The following UCN3 variants were observed in gnomAD, a reference collection of about 807,000 sequenced individuals.
UCN3 encodes the protein urocortin 3.
A neutral mutation model predicts 3.6 loss-of-function variants in UCN3; 3 were observed. The ratio of observed to expected loss-of-function variants is 0.83; its 90% CI spans 0.38 to 2.15. The LOEUF is 2.15. Ranked by LOEUF, UCN3 falls within the 30% of genes most tolerant of loss-of-function variation. UCN3 has a pLI of 0.06. For synonymous variants in UCN3, 100 were observed against 93.2 expected, an observed-to-expected ratio of 1.07 and a Z score of -0.42; for missense variants, 206 against 208.3, an observed-to-expected ratio of 0.99 and a Z score of 0.07.
intron 1 of UCN3, among the ~76,000 whole-genome samples, chr10:5,369,591 C>T (rs1313301076): frequency 2.6e-5 from 4 of 152,200 alleles, no homozygotes; most frequent in Admixed American, 1.3e-4. Flanking sequence ...GTTCTCACTT[C>T]GCCAGGCAAC....
At chr10:5,370,423 ATGCGTGTGTATATGCGTGTGTATG>A (rs1831363144) in intron 1 of UCN3, among the ~76,000 whole-genome samples, 6 of 37,180 alleles carry the variant, frequency 1.6e-4, no homozygotes, top group South Asian at 1.4e-3. Flanking sequence ...GTGTGTGTAT[ATGCGTGTGTATATGCGTGTGTATG>A]TGTGTGTGTA....
chr10:5,373,240 A>T (rs569516203), intron 1 of UCN3, among the ~76,000 whole-genome samples: 42 of 152,326 alleles, frequency 2.8e-4, no homozygotes, highest in African/African-American at 9.9e-4. Context: ...ACGCCCAGCC[A>T]TGGTCTTTAA....
At chr10:5,371,681 AGCCCTGCCTG>A (rs1831430369) in intron 1 of UCN3, among the ~76,000 whole-genome samples, 1 of 152,180 alleles carries the variant, frequency 6.6e-6, no homozygotes, top group African/African-American at 2.4e-5. Context: ...ACCGACTGCC[AGCCCTGCCTG>A]GCCCTGCTCT....
Position 5,374,489 on chromosome 10 carries a change from C to T in UCN3, c.*283C>T. ...CCCTGTACTCAGCGTCTCCTTCCTC[C>T]CTCCCCACAGCAAGAGGCAAAGTTC... is the stretch of plus-strand genomic sequence containing the variant. On this transcript the variant is annotated 3_prime_UTR_variant, in exon 2 of 2. Transcript: ENST00000380433. The T allele has an allele frequency of 2.9e-6, 1 of 348,854 alleles. No individual in the cohort carries two copies. Among genetic ancestry groups the T allele is most frequent in the Non-Finnish European group, 5.3e-6 (1 of 187,148 alleles). The allele number at this position is 348,854 out of a possible 1,614,324, so 21.6% of individuals were successfully genotyped here.
At chr10:5,370,643 A>ATATGTGTGTG (rs1238566095) in intron 1 of UCN3, among the ~76,000 whole-genome samples, 19 of 40,366 alleles carry the variant, frequency 4.7e-4, no homozygotes, top group African/African-American at 1.2e-3. Context: ...ATGTGTGTGT[A>ATATGTGTGTG]TATGTGTGTG....
In UCN3 at chr10:5,373,904, C is replaced by T; in HGVS notation, c.184C>T (p.Leu62=). 2 of 1,613,922 alleles carry T rather than the reference C, an allele frequency of 1.2e-6. No individual in the cohort carries two copies. Among genetic ancestry groups the T allele is most frequent in the Non-Finnish European group, 1.7e-6 (2 of 1,179,884 alleles). Residue 62 remains leucine (L), a synonymous_variant, in exon 2 of 2, where the codon CTG becomes TTG. Coordinates refer to ENST00000380433, the MANE Select transcript of UCN3 (RefSeq NM_053049.4). ...SLLSKRSFHY[L]RSRDASSGEE... is the part of the protein sequence containing the mutation. ...GCTGAGCAAGAGGAGCTTCCACTACCTGCGCAGCAGAGACGCCTCTTCGGG... is the reference window on the plus strand; with the variant it reads ...GCTGAGCAAGAGGAGCTTCCACTACTTGCGCAGCAGAGACGCCTCTTCGGG...
intron 1 of UCN3, among the ~76,000 whole-genome samples, chr10:5,370,665 A>ATG (rs369776084): frequency 1.9e-4 from 13 of 68,464 alleles, no homozygotes; most frequent in African/African-American, 7.3e-4. Context: ...ATGTGTGTGT[A>ATG]TGTGTGTGTA....
Position 5,370,005 on chromosome 10 carries a change from GTATGTGTGTGTA to G in UCN3, c.-6-3693_-6-3682del, listed in dbSNP as rs1359959986. On this transcript the variant is annotated intron_variant, in intron 1 of 1. Coordinates refer to ENST00000380433, the MANE Select transcript of UCN3 (RefSeq NM_053049.4). ...TGTGTATATGTGTGTATGTGTGTGT[GTATGTGTGTGTA>G]TATGTGTGTGTATATGCGTGTGTAT... 3.6e-3 allele frequency among the ~76,000 whole-genome samples: 114 copies of G among 31,638 alleles called. 17 individuals carry two copies. Among genetic ancestry groups the G allele is most frequent in the Middle Eastern group, 0.028 (2 of 72 alleles). 20.8% of individuals were successfully genotyped at this position (31,638 alleles called of 152,430 possible). A position where few individuals can be genotyped will look rare whatever the true frequency, so the allele number is the denominator to read the frequency against.
chr10:5,370,847 G>A lies in UCN3; in HGVS notation c.-6-2868G>A, dbSNP rs1296014572. Among the ~76,000 whole-genome samples, 445 of 80,604 alleles carry A rather than the reference G, an allele frequency of 5.5e-3. 29 individuals are homozygous for A. Among genetic ancestry groups the A allele is most frequent in the East Asian group, 0.024 (54 of 2,292 alleles). The allele number at this position is 80,604 out of a possible 152,430, so 52.9% of individuals were successfully genotyped here. ...TGCGCGCGTGTGTGTGCGCGTGTGT[G>A]TGCGCGTGTGTGTGCGTGTGTATGT... On this transcript the variant is annotated intron_variant, in intron 1 of 1. Transcript: ENST00000380433.
chr10:5,371,381 C>CATGTGT (rs1433356734), intron 1 of UCN3, among the ~76,000 whole-genome samples: 1 of 148,014 alleles, frequency 6.8e-6, no homozygotes, highest in South Asian at 2.1e-4. Context: ...TATGTGGGTG[C>CATGTGT]ATGTGTATGT....
rs551413513 is a variant in UCN3 at position 5,370,523 on chromosome 10, A to G, written c.-6-3192A>G. On this transcript the variant is annotated intron_variant, in intron 1 of 1. Coordinates refer to ENST00000380433, the MANE Select transcript of UCN3 (RefSeq NM_053049.4). ...TATATGCGTGTGTATATGTGTGTGT[A>G]TGTGTGTGTGTATATGCGTGTATAT... Among the ~76,000 whole-genome samples, 217 of 57,930 alleles carry G rather than the reference A, an allele frequency of 3.7e-3. 24 individuals are homozygous for G. The highest frequency in any genetic ancestry group is 0.014 in the African/African-American group (176 of 12,682). 38.0% of individuals were successfully genotyped at this position (57,930 alleles called of 152,430 possible).
At position 5,373,998 on chromosome 10, in the gene UCN3, C is replaced by G; in HGVS notation, c.278C>G (p.Thr93Ser). Residue 93 changes from threonine (T) to serine (S), a missense_variant, in exon 2 of 2, where the codon ACC (threonine) becomes AGC (serine). Physicochemically the swap from Thr to Ser is moderately conservative, Grantham distance 58 (BLOSUM62 1). Coordinates refer to ENST00000380433, the MANE Select transcript of UCN3 (RefSeq NM_053049.4). ...GGGGCCAGGGGTGGAGCCAGAGGCA[C>G]CCGGTACAGATACGTGTCCCAAGCA... ...ISGARGGARG[T>S]RYRYVSQAQP... 6.2e-7 allele frequency: 1 copy of G among 1,610,628 alleles called. No homozygotes were observed. Among genetic ancestry groups the G allele is most frequent in the Non-Finnish European group, 8.5e-7 (1 of 1,178,496 alleles).
intron 1 of UCN3, among the ~76,000 whole-genome samples, chr10:5,372,716 ATTTTT>A (rs1156663637): frequency 7.8e-6 from 1 of 127,686 alleles, no homozygotes; most frequent in Admixed American, 8.2e-5. Flanking sequence ...CGCCCAGCTA[ATTTTT>A]TTTTTTTTTT....
chr10:5,365,291 G>A lies in UCN3; in HGVS notation c.-7+61G>A, dbSNP rs577991832. On this transcript the variant is annotated intron_variant, in intron 1 of 1. Transcript: ENST00000380433. This position sits in a 1 kb window ranked among gnomAD's most constrained non-coding sequence, Gnocchi z 4.4. Reference sequence around the variant, plus strand: ...AATGTATCTGCCCTAATTTAAGCAGGAGGTGCCATGCACTAGACAGGTGTG... The same window carrying A: ...AATGTATCTGCCCTAATTTAAGCAGAAGGTGCCATGCACTAGACAGGTGTG... The A allele has an allele frequency of 1.3e-5, 2 of 152,354 alleles. No homozygotes were observed. The highest frequency in any genetic ancestry group is 2.1e-4 in the South Asian group (1 of 4,830). 9.4% of individuals were successfully genotyped at this position (152,354 alleles called of 1,614,324 possible).
At chr10:5,373,365 G>C (rs1004981819) in intron 1 of UCN3, among the ~76,000 whole-genome samples, 1 of 152,080 alleles carries the variant, frequency 6.6e-6, no homozygotes, top group African/African-American at 2.4e-5. Context: ...TTAGTTATTC[G>C]CTTTACAGGG....
chr10:5,368,094 C>A (rs1438436389), intron 1 of UCN3, among the ~76,000 whole-genome samples: 1 of 152,182 alleles, frequency 6.6e-6, no homozygotes, highest in African/African-American at 2.4e-5. Flanking sequence ...ACCTCCACCT[C>A]CCAGGCTCAA....
In UCN3 at chr10:5,369,995, ATGTGTGTGTG is replaced by A. The variant is rs146206216; in HGVS notation, c.-6-3718_-6-3709del. ...TGTATATGCGTGTGTATATGTGTGT[ATGTGTGTGTG>A]TATGTGTGTGTATATGTGTGTGTAT... On this transcript the variant is annotated intron_variant, in intron 1 of 1. Coordinates refer to ENST00000380433, the MANE Select transcript of UCN3 (RefSeq NM_053049.4). 7.6e-4 allele frequency among the ~76,000 whole-genome samples: 24 copies of A among 31,716 alleles called. 3 individuals are homozygous for A. The highest frequency in any genetic ancestry group is 2.1e-3 in the African/African-American group (13 of 6,316). 20.8% of individuals were successfully genotyped at this position (31,716 alleles called of 152,430 possible). A position where few individuals can be genotyped will look rare whatever the true frequency, so the allele number is the denominator to read the frequency against.
rs782063612 is a variant in UCN3, at chr10:5,370,872, TGTGTGTATATGCGTGTGTATATGC to T, written c.-6-2807_-6-2784del. Among the ~76,000 whole-genome samples the T allele has an allele frequency of 7.1e-4, 58 of 81,756 alleles. 3 individuals carry two copies. Among genetic ancestry groups the T allele is most frequent in the South Asian group, 9.9e-4 (2 of 2,022 alleles). The allele number at this position is 81,756 out of a possible 152,430, so 53.6% of individuals were successfully genotyped here. On this transcript the variant is annotated intron_variant, in intron 1 of 1. Transcript: ENST00000380433. ...GTGCGCGTGTGTGTGCGTGTGTATG[TGTGTGTATATGCGTGTGTATATGC>T]GTGTGTATATGCGTGTGTATATGCG...
In UCN3 at chr10:5,365,036, T is replaced by C. The variant is rs1834102673; in HGVS notation, c.-201T>C. 1 of 152,172 alleles carries C rather than the reference T, an allele frequency of 6.6e-6. No homozygotes were observed. The highest frequency in any genetic ancestry group is 2.4e-5 in the African/African-American group (1 of 41,420). 9.4% of individuals were successfully genotyped at this position (152,172 alleles called of 1,614,324 possible). On this transcript the variant is annotated 5_prime_UTR_variant, in exon 1 of 2. Transcript: ENST00000380433. This position sits in a 1 kb window ranked among gnomAD's most constrained non-coding sequence, Gnocchi z 4.4. ...TCCACCCTGTGATCTGTCACTTTTA[T>C]ATACACACAGGGGAGGGGACCGTTT...
Sources: gnomAD v4.1 joint callset for allele counts (sites outside exome capture counted in the v4.1 genomes callset) on GRCh38, gnomAD v4.1.1 for gene constraint, Gnocchi (gnomAD v3.1) non-coding constraint, MANE v1.5 for transcripts, NCBI Gene and HGNC (gene_info 2026-07-23, HGNC 2026-07-21) for gene names.